Variants in FTCDNL1 observed in about 807,000 individuals in gnomAD.
FTCDNL1 encodes formiminotransferase N-terminal subdomain-containing protein.
Under a neutral mutation model 5.9 loss-of-function variants are expected in FTCDNL1, and 11 were observed. That is an observed-to-expected ratio of 1.87 (90% CI 1.18 to 3.10). The LOEUF is 3.10. Ranked by LOEUF, FTCDNL1 falls within the 30% of genes most tolerant of loss-of-function variation. The pLI, the probability that FTCDNL1 is intolerant of heterozygous loss-of-function variation, is 0.00. For synonymous variants in FTCDNL1, 58 were observed against 24.8 expected (o/e 2.34, Z -3.99); for missense variants, 115 against 65.5 (o/e 1.76, Z -2.61).
chr2:199,681,072 G>A, the FTCDNL1 span, among the ~76,000 whole-genome samples: 7 of 152,284 alleles, frequency 4.6e-5, 1 homozygote, highest in South Asian at 1.4e-3. Context: ...AGAATACAGG[G>A]AAAATGCGAA....
At chr2:199,693,170 T>C in the FTCDNL1 span, among the ~76,000 whole-genome samples, 1 of 152,212 alleles carries the variant, frequency 6.6e-6, no homozygotes, top group Admixed American at 6.5e-5. Flanking sequence ...CAACTTCAAG[T>C]ACAAGAATGT....
chr2:199,837,344 T>C (rs1023107836), intron 3 of FTCDNL1, among the ~76,000 whole-genome samples: 2 of 152,246 alleles, frequency 1.3e-5, no homozygotes, highest in Non-Finnish European at 2.9e-5. Context: ...GCCCTAAATA[T>C]GTTTACACAC....
chr2:199,820,284 T>C (rs1165225639), intron 3 of FTCDNL1, among the ~76,000 whole-genome samples: 2 of 152,140 alleles, frequency 1.3e-5, no homozygotes, highest in Non-Finnish European at 2.9e-5. Flanking sequence ...GATTTATCTC[T>C]AGAACTAAAG....
At chr2:199,799,587 G>C (rs529429535) in intron 3 of FTCDNL1, among the ~76,000 whole-genome samples, 5 of 152,152 alleles carry the variant, frequency 3.3e-5, no homozygotes, top group Non-Finnish European at 1.5e-5. Context: ...GCTCATTCCA[G>C]GGAAAATTGA....
At chr2:199,822,610 T>C (rs1255754207) in intron 3 of FTCDNL1, among the ~76,000 whole-genome samples, 1 of 152,168 alleles carries the variant, frequency 6.6e-6, no homozygotes, top group Non-Finnish European at 1.5e-5. Context: ...TTCACGAAAA[T>C]TTCTCTGTAG....
chr2:199,729,240 A>G, the FTCDNL1 span, among the ~76,000 whole-genome samples: 1 of 152,242 alleles, frequency 6.6e-6, no homozygotes, highest in African/African-American at 2.4e-5. Context: ...CAAGCCACTG[A>G]TGCTGATGGC....
Position 199,812,639 on chromosome 2 carries a change from G to A in FTCDNL1, c.*66C>T. ...GCCTCCCGCAGATTGGCACTCAGCT[G>A]CTCTGGTGGCAGCACGGATCCCCTC... On this transcript the variant is annotated 3_prime_UTR_variant, in exon 5 of 5. Coordinates refer to ENST00000420128, the MANE Select transcript of FTCDNL1 (RefSeq NM_001363886.2). 1.5e-6 allele frequency: 1 copy of A among 662,664 alleles called. No homozygotes were observed. Among genetic ancestry groups the A allele is most frequent in the African/African-American group, 1.8e-5 (1 of 55,360 alleles). 41.0% of individuals were successfully genotyped at this position (662,664 alleles called of 1,614,324 possible).
At chr2:199,836,808 G>C (rs899742040) in intron 3 of FTCDNL1, among the ~76,000 whole-genome samples, 1 of 152,128 alleles carries the variant, frequency 6.6e-6, no homozygotes, top group Non-Finnish European at 1.5e-5. Flanking sequence ...AAAGTCCATA[G>C]CAGGGTATGG....
At chr2:199,801,874 C>T (rs929336875) in intron 3 of FTCDNL1, among the ~76,000 whole-genome samples, 7 of 146,460 alleles carry the variant, frequency 4.8e-5, no homozygotes, top group Admixed American at 1.4e-4. Context: ...GAAGGCGGAG[C>T]TTGCAGTGAG....
downstream of FTCDNL1, among the ~76,000 whole-genome samples, chr2:199,804,700 T>C (rs368994605): frequency 2.6e-5 from 4 of 152,132 alleles, no homozygotes; most frequent in East Asian, 7.7e-4. Flanking sequence ...TGTTAGGAGC[T>C]ATGTTCACAA....
chr2:199,760,282 A>G (rs1698212635), downstream of FTCDNL1, among the ~76,000 whole-genome samples: 1 of 152,072 alleles, frequency 6.6e-6, no homozygotes, highest in South Asian at 2.1e-4. Context: ...AGCCAACCCA[A>G]CTTTCCCATA....
the FTCDNL1 span, among the ~76,000 whole-genome samples, chr2:199,706,383 C>T: frequency 1.1e-4 from 16 of 152,152 alleles, no homozygotes; most frequent in Admixed American, 4.6e-4. Flanking sequence ...AGGTTATGCT[C>T]ATGAGACCAT....
the FTCDNL1 span, among the ~76,000 whole-genome samples, chr2:199,744,443 CACAG>C: frequency 3.4e-5 from 5 of 149,208 alleles, no homozygotes; most frequent in Non-Finnish European, 4.5e-5. Context: ...CACACACACA[CACAG>C]AGAGAGAGAG....
chr2:199,838,008 C>T (rs1196477881), intron 3 of FTCDNL1, among the ~76,000 whole-genome samples: 1 of 152,160 alleles, frequency 6.6e-6, no homozygotes, highest in Non-Finnish European at 1.5e-5. Context: ...GAGAATTTGC[C>T]TAAGAATCTT....
At chr2:199,806,807 T>C (rs1700748585), downstream of FTCDNL1, among the ~76,000 whole-genome samples, 1 of 152,212 alleles carries the variant, frequency 6.6e-6, no homozygotes, top group African/African-American at 2.4e-5. Context: ...CCTAGCTTGT[T>C]GCTTTCCTTA....
At chr2:199,826,486 G>C (rs1259063415) in intron 3 of FTCDNL1, among the ~76,000 whole-genome samples, 2 of 78,204 alleles carry the variant, frequency 2.6e-5, no homozygotes, top group African/African-American at 1.1e-4. Flanking sequence ...AAATTTCTCA[G>C]TCAAAAAAAA....
chr2:199,739,626 G>T, the FTCDNL1 span, among the ~76,000 whole-genome samples: 2 of 152,086 alleles, frequency 1.3e-5, no homozygotes, highest in South Asian at 4.1e-4. Context: ...CAGCCTCAGG[G>T]TGACTACAAC....
chr2:199,713,653 T>G, the FTCDNL1 span, among the ~76,000 whole-genome samples: 3 of 152,260 alleles, frequency 2.0e-5, no homozygotes, highest in African/African-American at 7.2e-5. Flanking sequence ...TGTGCCGTGT[T>G]AGTCTTATAA....
At chr2:199,775,749 T>C (rs147748624) in intron 3 of FTCDNL1, among the ~76,000 whole-genome samples, 66 of 152,252 alleles carry the variant, frequency 4.3e-4, no homozygotes, top group African/African-American at 1.5e-3. Flanking sequence ...AGAAAGCCAA[T>C]GAAATGAGTA....
Sources: gnomAD v4.1 joint callset for allele counts (sites outside exome capture counted in the v4.1 genomes callset) on GRCh38, gnomAD v4.1.1 for gene constraint, MANE v1.5 for transcripts, NCBI Gene and HGNC (gene_info 2026-07-23, HGNC 2026-07-21) for gene names.